The following TENT2 variants were observed in gnomAD, a reference collection of about 807,000 sequenced individuals.
TENT2 encodes poly(A) RNA polymerase GLD2.
In TENT2, 44 loss-of-function variants were observed where a neutral mutation model predicts 72.2. The observed-to-expected ratio is 0.61, with a 90% CI of 0.48 to 0.78. The LOEUF (loss-of-function observed/expected upper bound fraction) is 0.78, where lower values mean the gene tolerates loss of function less well. TENT2 is among the 30% of genes least tolerant of loss of function. TENT2 has a pLI of 0.00. For missense variants in TENT2, 541 were observed against 569.6 expected, an observed-to-expected ratio of 0.95 and a Z score of 0.51; for synonymous variants, 212 against 192.5, an observed-to-expected ratio of 1.10 and a Z score of -0.84.
intron 10 of TENT2, among the ~76,000 whole-genome samples, chr5:79,654,508 T>C (rs1256276844): frequency 6.6e-6 from 1 of 152,078 alleles, no homozygotes; most frequent in East Asian, 1.9e-4. Flanking sequence ...TCATGGAATG[T>C]TTACCATATT....
intron 10 of TENT2, among the ~76,000 whole-genome samples, chr5:79,654,960 A>T (rs968872665): frequency 6.6e-6 from 1 of 152,144 alleles, no homozygotes; most frequent in African/African-American, 2.4e-5. Context: ...AATTTTGTAG[A>T]TTAGCTGTAT....
intron 4 of TENT2, among the ~76,000 whole-genome samples, chr5:79,628,188 G>A (rs1387871822): frequency 6.6e-6 from 1 of 152,162 alleles, no homozygotes; most frequent in Non-Finnish European, 1.5e-5. Flanking sequence ...GTCATTACTG[G>A]CATTGTGCTC....
rs999764683 is a variant in TENT2, at chr5:79,686,058, C to T, written c.*785C>T. ...TTACGATAGCTTAGTGCAATGTGCA[C>T]TTCTGTTTTACTTGCCATTTTCCTG... On this transcript the variant is annotated 3_prime_UTR_variant, in exon 15 of 15. Coordinates refer to ENST00000453514, the MANE Select transcript of TENT2 (RefSeq NM_001114394.3). 7 of 152,558 alleles carry T rather than the reference C, an allele frequency of 4.6e-5. No individual in the cohort carries two copies. The highest frequency in any genetic ancestry group is 1.7e-4 in the African/African-American group (7 of 41,428). 9.5% of individuals were successfully genotyped at this position (152,558 alleles called of 1,614,324 possible).
intron 4 of TENT2, among the ~76,000 whole-genome samples, chr5:79,636,225 G>A (rs1040828986): frequency 6.6e-6 from 1 of 151,916 alleles, no homozygotes; most frequent in East Asian, 1.9e-4. Context: ...TTTTTATTAT[G>A]GAAAATATCA....
chr5:79,648,886 A>C (rs765417429), intron 9 of TENT2, 176 bp from the exon 10 acceptor site: 68 of 870,662 alleles, frequency 7.8e-5, no homozygotes, highest in Non-Finnish European at 1.2e-4. Flanking sequence ...AATAATTGAT[A>C]ATTTTTAAAA....
At chr5:79,672,999 G>C (rs1246882103) in intron 12 of TENT2, among the ~76,000 whole-genome samples, 3 of 152,188 alleles carry the variant, frequency 2.0e-5, no homozygotes, top group African/African-American at 7.2e-5. Flanking sequence ...AGTGGGGTGA[G>C]ATGATACCTC....
chr5:79,680,708 C>T (rs1045322952), intron 13 of TENT2, among the ~76,000 whole-genome samples: 5 of 152,164 alleles, frequency 3.3e-5, no homozygotes, highest in Admixed American at 6.5e-5. Context: ...TCCAGTCTTT[C>T]GCTTTCAGCT....
intron 12 of TENT2, among the ~76,000 whole-genome samples, chr5:79,679,083 T>C (rs779235910): frequency 6.6e-6 from 1 of 152,204 alleles, no homozygotes; most frequent in Admixed American, 6.5e-5. Context: ...TTTTTGTATT[T>C]TTAGTAGAGA....
chr5:79,682,930 AG>A lies in TENT2; in HGVS notation c.1380+870del, dbSNP rs567352845. 3.3e-4 allele frequency among the ~76,000 whole-genome samples: 51 copies of A among 152,272 alleles called. 1 individual carries two copies. The highest frequency in any genetic ancestry group is 1.2e-3 in the African/African-American group (50 of 41,562). ...GTATTGAGACATGGAGGGGAGGGAA[AG>A]CTTTGTAGAAGAAAAAGATGAGAGA... is the stretch of plus-strand genomic sequence containing the variant. On this transcript the variant is annotated intron_variant, in intron 14 of 14. Transcript: ENST00000453514.
chr5:79,655,091 G>A (rs1228208825), intron 10 of TENT2, among the ~76,000 whole-genome samples: 1 of 152,098 alleles, frequency 6.6e-6, no homozygotes, highest in African/African-American at 2.4e-5. Context: ...AGTTAAAATA[G>A]TTGTTATAGT....
At chr5:79,683,500 A>G (rs1458877497) in intron 14 of TENT2, among the ~76,000 whole-genome samples, 2 of 152,148 alleles carry the variant, frequency 1.3e-5, no homozygotes, top group East Asian at 3.9e-4. Flanking sequence ...TGAGTAATAG[A>G]GTGATACCTT....
In TENT2 at chr5:79,686,581, A is replaced by AT. The variant is rs1345980419; in HGVS notation, c.*1312dup. The stretch of plus-strand genomic sequence containing the variant: ...TGACTTGTAAAAGGTGCACATTTTC[A>AT]TTTTCTTCCTTAAGTTCAAATTTTT... On this transcript the variant is annotated 3_prime_UTR_variant, in exon 15 of 15. Coordinates refer to ENST00000453514, the MANE Select transcript of TENT2 (RefSeq NM_001114394.3). 1 of 151,934 alleles carries AT rather than the reference A, an allele frequency of 6.6e-6. No homozygotes were observed. Among genetic ancestry groups the AT allele is most frequent in the East Asian group, 1.9e-4 (1 of 5,180 alleles). 9.4% of individuals were successfully genotyped at this position (151,934 alleles called of 1,614,324 possible). A position where few individuals can be genotyped will look rare whatever the true frequency, so the allele number is the denominator to read the frequency against.
chr5:79,661,191 G>A (rs1242138284), intron 11 of TENT2, among the ~76,000 whole-genome samples: 1 of 151,980 alleles, frequency 6.6e-6, no homozygotes, highest in East Asian at 1.9e-4. Context: ...ATAAACTTAA[G>A]GTAGCCTAAG....
intron 4 of TENT2, among the ~76,000 whole-genome samples, chr5:79,626,989 G>A (rs1044641366): frequency 8.6e-5 from 13 of 151,924 alleles, no homozygotes; most frequent in African/African-American, 2.9e-4. Context: ...AATTAGCTGG[G>A]CGTGGTGGCA....
Position 79,682,019 on chromosome 5 carries a change from C to T in TENT2, c.1338C>T (p.His446=), listed in dbSNP as rs767845166. The T allele has an allele frequency of 6.8e-6, 11 of 1,613,126 alleles. No homozygotes were observed. The highest frequency in any genetic ancestry group is 3.3e-5 in the South Asian group (3 of 90,904). The change falls in exon 14 of 15, where the codon CAC becomes CAT. Residue 446 remains histidine (H), a synonymous_variant. Transcript: ENST00000453514. ...GAACAAATACAGCCAGAGCAGTGCA[C>T]GAAAAGCAGAAATTTGATATGATCA... ...FDGTNTARAV[H]EKQKFDMIKD...
chr5:79,623,075 G>A (rs556734655), intron 3 of TENT2, among the ~76,000 whole-genome samples, 177 bp from the exon 4 acceptor site: 1 of 151,816 alleles, frequency 6.6e-6, no homozygotes, highest in South Asian at 2.1e-4. Flanking sequence ...GGTGTTGAGA[G>A]GCATTTCTTG....
Position 79,612,468 on chromosome 5 carries a change from G to A in TENT2, c.-645G>A, listed in dbSNP as rs1366541804. 2.0e-5 allele frequency: 3 copies of A among 152,348 alleles called. No individual in the cohort carries two copies. Among genetic ancestry groups the A allele is most frequent in the Non-Finnish European group, 2.9e-5 (2 of 68,146 alleles). The allele number at this position is 152,348 out of a possible 1,614,324, so 9.4% of individuals were successfully genotyped here. ...CCGGGGTCACGTCGGTCTTCCGGGT[G>A]TCTTTGACAGGGTTTTCTACGCCGC... is the stretch of plus-strand genomic sequence containing the variant. On this transcript the variant is annotated 5_prime_UTR_variant, in exon 1 of 15. Coordinates refer to ENST00000453514, the MANE Select transcript of TENT2 (RefSeq NM_001114394.3).
At chr5:79,631,740 C>G (rs570154907) in intron 4 of TENT2, among the ~76,000 whole-genome samples, 66 of 152,218 alleles carry the variant, frequency 4.3e-4, no homozygotes, top group Non-Finnish European at 7.4e-4. Context: ...GGGGAAGATT[C>G]ATAGAGAGGA....
At chr5:79,628,044 A>G (rs150511309) in intron 4 of TENT2, among the ~76,000 whole-genome samples, 13 of 152,330 alleles carry the variant, frequency 8.5e-5, no homozygotes, top group Admixed American at 3.3e-4. Flanking sequence ...TGGTAAAACC[A>G]AGATTTGATC....
Sources: allele counts gnomAD v4.1 joint callset (sites outside exome capture counted in the v4.1 genomes callset), GRCh38; gene constraint gnomAD v4.1.1; transcripts MANE v1.5; gene names NCBI Gene and HGNC (gene_info 2026-07-23, HGNC 2026-07-21).